CNTN4: variants seen among roughly 807,000 people sequenced by gnomAD.
The protein encoded by CNTN4 is contactin 4, also known as contactin-4.
In CNTN4, 77 loss-of-function variants were observed where a neutral mutation model predicts 122.5. The ratio of observed to expected loss-of-function variants is 0.63; its 90% CI spans 0.52 to 0.76. The LOEUF is 0.76. CNTN4 is among the 30% of genes least tolerant of loss of function. The pLI is 0.00. For synonymous variants in CNTN4, 512 were observed against 447.0 expected (o/e 1.15, Z -1.83); for missense variants, 1,256 against 1,259.1 (o/e 1.00, Z 0.04).
intron 6 of CNTN4, among the ~76,000 whole-genome samples, chr3:2,786,775 A>G (rs1247754537): frequency 6.6e-6 from 1 of 152,146 alleles, no homozygotes; most frequent in East Asian, 1.9e-4. Flanking sequence ...CTGTATTTTA[A>G]AATTATTAGA....
At chr3:2,387,491 C>A (rs2046294780) in intron 3 of CNTN4, among the ~76,000 whole-genome samples, 1 of 151,892 alleles carries the variant, frequency 6.6e-6, no homozygotes, top group Non-Finnish European at 1.5e-5. Context: ...ATAATGGCAT[C>A]CTTCTTCATT....
At chr3:2,203,822 T>G (rs2038218886) in intron 2 of CNTN4, among the ~76,000 whole-genome samples, 1 of 152,260 alleles carries the variant, frequency 6.6e-6, no homozygotes, top group South Asian at 2.1e-4. Flanking sequence ...ACCAGATCAA[T>G]AACACTCCTT....
chr3:2,518,000 C>T (rs1181293496), intron 3 of CNTN4, among the ~76,000 whole-genome samples: 2 of 152,162 alleles, frequency 1.3e-5, no homozygotes, highest in Admixed American at 6.6e-5. Context: ...CAATCCTTCC[C>T]TAGAGTCCCC....
At chr3:2,557,125 G>A (rs767863036) in intron 3 of CNTN4, among the ~76,000 whole-genome samples, 1 of 152,126 alleles carries the variant, frequency 6.6e-6, no homozygotes, top group Admixed American at 6.5e-5. Context: ...TCTATCCTCA[G>A]ATTTTTTTTG....
chr3:2,114,990 C>G (rs181634057), intron 2 of CNTN4, among the ~76,000 whole-genome samples: 2 of 152,252 alleles, frequency 1.3e-5, no homozygotes, highest in Admixed American at 6.5e-5. Flanking sequence ...ATCACAGGAA[C>G]AAGTTTCCTT....
intron 13 of CNTN4, among the ~76,000 whole-genome samples, chr3:2,967,640 G>A (rs953708456): frequency 1.3e-5 from 2 of 152,082 alleles, no homozygotes; most frequent in African/African-American, 2.4e-5. Context: ...AGGTCAGATC[G>A]CTTTTCACTG....
At chr3:2,889,756 C>G (rs67346658) in intron 10 of CNTN4, among the ~76,000 whole-genome samples, 19,842 of 152,100 alleles carry the variant, frequency 0.13, 1,377 homozygotes, top group African/African-American at 0.17. Context: ...TTTCTGTTAA[C>G]TGAAATTCCT....
intron 7 of CNTN4, among the ~76,000 whole-genome samples, chr3:2,826,233 A>G (rs1385272171): frequency 6.6e-6 from 1 of 152,156 alleles, no homozygotes; most frequent in African/African-American, 2.4e-5. Context: ...GGTCAATTAA[A>G]TCTGAGTTTC....
At chr3:2,870,236 A>G (rs1398156470) in intron 8 of CNTN4, among the ~76,000 whole-genome samples, 2 of 152,200 alleles carry the variant, frequency 1.3e-5, no homozygotes, top group African/African-American at 4.8e-5. Context: ...TGTCTGGTAT[A>G]TCTTCATAGA....
At chr3:2,208,491 ACTC>A (rs2038464692) in intron 2 of CNTN4, among the ~76,000 whole-genome samples, 1 of 152,108 alleles carries the variant, frequency 6.6e-6, no homozygotes, top group Admixed American at 6.6e-5. Context: ...GATGAAATCT[ACTC>A]CTGGTGAAGA....
rs2093355984 is a variant in CNTN4, at chr3:2,841,187, T to G, written c.454+21606T>G. On this transcript the variant is annotated intron_variant, in intron 7 of 24. Transcript: ENST00000418658. This position sits in a 1 kb window ranked among gnomAD's most constrained non-coding sequence, Gnocchi z 4.8. ...TTAAGTCAAAATATCTGTCTTTGTT[T>G]GCATTGCCCAAAGAAGTTGGATCAA... 6.6e-6 allele frequency among the ~76,000 whole-genome samples: 1 copy of G among 152,214 alleles called. No homozygotes were observed. The highest frequency in any genetic ancestry group is 2.4e-5 in the African/African-American group (1 of 41,462).
intron 3 of CNTN4, among the ~76,000 whole-genome samples, chr3:2,430,403 C>CA (rs2048021268): frequency 1.5e-5 from 2 of 131,450 alleles, no homozygotes; most frequent in Admixed American, 1.7e-4. Flanking sequence ...GCCTGGGTGA[C>CA]AGAGCAAGAC....
At chr3:2,714,600 G>A (rs947312406) in intron 4 of CNTN4, among the ~76,000 whole-genome samples, 27 of 152,078 alleles carry the variant, frequency 1.8e-4, no homozygotes, top group African/African-American at 6.3e-4. Flanking sequence ...CCAAAGACAA[G>A]GCAATTATAG....
intron 13 of CNTN4, among the ~76,000 whole-genome samples, chr3:2,940,318 A>G (rs2094602448): frequency 6.6e-6 from 1 of 152,238 alleles, no homozygotes; most frequent in African/African-American, 2.4e-5. Flanking sequence ...TGTGGCCACA[A>G]AGTCATTCAG....
intron 14 of CNTN4, chr3:2,999,026 TA>T (rs1458062011): frequency 1.3e-5 from 2 of 152,218 alleles, no homozygotes; most frequent in Admixed American, 1.3e-4. Flanking sequence ...TCCACATAAA[TA>T]TTTTTTATAT....
chr3:2,735,646 A>C (rs2089030896), intron 4 of CNTN4, among the ~76,000 whole-genome samples: 1 of 152,210 alleles, frequency 6.6e-6, no homozygotes. Flanking sequence ...CAAAGAACCT[A>C]GTCCTTCGCT....
intron 2 of CNTN4, among the ~76,000 whole-genome samples, chr3:2,128,336 A>C (rs2034282702): frequency 6.6e-6 from 1 of 152,226 alleles, no homozygotes; most frequent in Non-Finnish European, 1.5e-5. Flanking sequence ...ATATTTATTG[A>C]ATACTTATTA....
At chr3:2,517,089 G>A (rs1479550) in intron 3 of CNTN4, among the ~76,000 whole-genome samples, 1 of 152,082 alleles carries the variant, frequency 6.6e-6, no homozygotes, top group African/African-American at 2.4e-5. Flanking sequence ...TTTTGCATAG[G>A]TATTGCTAAG....
At chr3:2,414,284 A>G (rs1559531382) in intron 3 of CNTN4, among the ~76,000 whole-genome samples, 2 of 152,170 alleles carry the variant, frequency 1.3e-5, no homozygotes, top group Non-Finnish European at 2.9e-5. Context: ...AATTTTAGGT[A>G]TTAATTTGTT....
Sources: gnomAD v4.1 joint callset for allele counts (sites outside exome capture counted in the v4.1 genomes callset) on GRCh38, gnomAD v4.1.1 for gene constraint, Gnocchi (gnomAD v3.1) non-coding constraint, MANE v1.5 for transcripts, NCBI Gene and HGNC (gene_info 2026-07-23, HGNC 2026-07-21) for gene names.